HGF: variants seen among roughly 807,000 people sequenced by gnomAD.
HGF encodes the protein fibroblast-derived tumor cytotoxic factor.
Under a neutral mutation model 111.6 loss-of-function variants are expected in HGF, and 39 were observed. That is an observed-to-expected ratio of 0.35 (90% CI 0.27 to 0.46). The LOEUF (loss-of-function observed/expected upper bound fraction) is 0.46. Among genes scored for constraint, HGF ranks in the 20% least tolerant of loss-of-function variants. The pLI, the probability that HGF is intolerant of heterozygous loss-of-function variation, is 1.00. For synonymous variants in HGF, 285 were observed against 294.8 expected, an observed-to-expected ratio of 0.97 and a Z score of 0.34; for missense variants, 735 against 910.5, an observed-to-expected ratio of 0.81 and a Z score of 2.48.
At chr7:81,755,115 A>G (rs1308890027) in intron 4 of HGF, 1 of 152,042 alleles carries the variant, frequency 6.6e-6, no homozygotes, top group Non-Finnish European at 1.5e-5. Flanking sequence ...TCATTAATGA[A>G]TGCTGGGTGG....
chr7:81,707,182 C>A (rs757451617), intron 14 of HGF, 108 bp downstream of exon 14: 28 of 704,604 alleles, frequency 4.0e-5, no homozygotes, highest in Non-Finnish European at 6.4e-5. Context: ...TTGTTCACCC[C>A]ATTTGTGAAT....
At chr7:81,747,077 G>A (rs995948954) in intron 5 of HGF, among the ~76,000 whole-genome samples, 3 of 152,268 alleles carry the variant, frequency 2.0e-5, no homozygotes, top group East Asian at 1.9e-4. Flanking sequence ...GGTGGCTCAC[G>A]CCTGTAATCC....
chr7:81,768,448 C>T (rs1202129843), intron 1 of HGF, among the ~76,000 whole-genome samples: 1 of 152,104 alleles, frequency 6.6e-6, no homozygotes, highest in Non-Finnish European at 1.5e-5. Context: ...GACACAATCT[C>T]GGCTCACTGC....
rs576648992 is a variant in HGF at position 81,722,834 on chromosome 7, A to T, written c.1169-1987T>A. Among the ~76,000 whole-genome samples, 89 of 136,402 alleles carry T rather than the reference A, an allele frequency of 6.5e-4. 4 individuals carry two copies. The highest frequency in any genetic ancestry group is 3.0e-3 in the African/African-American group (84 of 28,454). 89.5% of individuals were successfully genotyped at this position (136,402 alleles called of 152,430 possible). A position where few individuals can be genotyped will look rare whatever the true frequency, so the allele number is the denominator to read the frequency against. ...GTCTCAAAAAAAAAAAAAAAAAAGA[A>T]ATTTAAAAAGGTATATATATATATA... On this transcript the variant is annotated intron_variant, in intron 9 of 17. Transcript: ENST00000222390.
chr7:81,715,377 A>G (rs1789683249), intron 11 of HGF, among the ~76,000 whole-genome samples: 5 of 152,062 alleles, frequency 3.3e-5, no homozygotes. Flanking sequence ...TTTGTATGGC[A>G]TTCTCTGAAA....
At chr7:81,755,717 G>A (rs1300146141) in intron 4 of HGF, 3 of 387,888 alleles carry the variant, frequency 7.7e-6, no homozygotes, top group Middle Eastern at 7.1e-4. Context: ...GTAACACCAT[G>A]CAAACTCTCA....
At chr7:81,729,363 A>G (rs1352648656) in intron 8 of HGF, among the ~76,000 whole-genome samples, 2 of 152,198 alleles carry the variant, frequency 1.3e-5, no homozygotes, top group African/African-American at 2.4e-5. Flanking sequence ...CCCAAAGCAT[A>G]GTGAATCTAC....
chr7:81,763,424 T>C (rs1048085549), intron 1 of HGF, among the ~76,000 whole-genome samples: 3 of 152,152 alleles, frequency 2.0e-5, no homozygotes, highest in Non-Finnish European at 2.9e-5. Flanking sequence ...CATAAATGTT[T>C]TCTGTGCTTT....
chr7:81,751,771 G>C, intron 5 of HGF: 2 of 1,098,674 alleles, frequency 1.8e-6, no homozygotes, highest in Non-Finnish European at 2.2e-6. Flanking sequence ...GCTAATGAAA[G>C]GCTAAGCTTC....
chr7:81,709,115 C>T (rs1031765596), intron 13 of HGF, among the ~76,000 whole-genome samples: 1 of 152,068 alleles, frequency 6.6e-6, no homozygotes, highest in African/African-American at 2.4e-5. Flanking sequence ...ATAATAGTAA[C>T]AGACATTCTT....
At chr7:81,731,881 A>T (rs1486662878) in intron 7 of HGF, among the ~76,000 whole-genome samples, 1 of 152,194 alleles carries the variant, frequency 6.6e-6, no homozygotes, top group African/African-American at 2.4e-5. Context: ...GCTCTTGGGC[A>T]GCAAACTTGT....
chr7:81,759,248 C>A (rs529735947), intron 2 of HGF, among the ~76,000 whole-genome samples: 1 of 152,186 alleles, frequency 6.6e-6, no homozygotes, highest in South Asian at 2.1e-4. Context: ...TCTGAGATAT[C>A]AGGAGTAATT....
rs1787574696 is a variant in HGF, at chr7:81,729,756, C to A, written c.889G>T (p.Asp297Tyr). The change falls in exon 8 of 18, where the codon GAT becomes TAT. Residue 297 changes from aspartate (D) to tyrosine (Y), a missense_variant. Physicochemically the swap from Asp to Tyr is radical, Grantham distance 160. This residue lies in a region of HGF where 553 missense variants were observed against 685.6 expected (regional missense o/e 0.81). Transcript: ENST00000222390. ...TCADNTMNDT[D>Y]VPLETTECIQ... ...CATTCAGTTGTTTCCAAAGGAACATCAGTGTCATTCATAGTATTGTCAGCT... is the reference window on the plus strand; with the variant it reads ...CATTCAGTTGTTTCCAAAGGAACATAAGTGTCATTCATAGTATTGTCAGCT... 6.2e-7 allele frequency: 1 copy of A among 1,613,212 alleles called. No individual in the cohort carries two copies. The highest frequency in any genetic ancestry group is 1.3e-5 in the African/African-American group (1 of 74,594).
intron 10 of HGF, among the ~76,000 whole-genome samples, chr7:81,718,080 G>C (rs1789760504): frequency 6.6e-6 from 1 of 151,978 alleles, no homozygotes; most frequent in Non-Finnish European, 1.5e-5. Context: ...TGGCCACTTT[G>C]ACTGATCATA....
intron 5 of HGF, chr7:81,751,231 C>T: frequency 1.0e-6 from 1 of 967,024 alleles, no homozygotes; most frequent in South Asian, 4.8e-5. Flanking sequence ...CCAGTAGTCC[C>T]CCTCCCCAAA....
intron 11 of HGF, among the ~76,000 whole-genome samples, chr7:81,712,940 T>A (rs372461648): frequency 1.6e-4 from 24 of 152,330 alleles, no homozygotes; most frequent in African/African-American, 5.8e-4. Flanking sequence ...CTGTAGCTTA[T>A]CCTAGAGGAG....
intron 8 of HGF, 42 bp from the exon 9 acceptor site, chr7:81,726,059 T>TA (rs771655656): frequency 1.9e-6 from 3 of 1,605,318 alleles, no homozygotes; most frequent in South Asian, 1.1e-5. Context: ...CCGGAGTTCT[T>TA]ACGTTGGTGA....
At chr7:81,725,570 T>C (rs551112021) in intron 9 of HGF, among the ~76,000 whole-genome samples, 1 of 152,208 alleles carries the variant, frequency 6.6e-6, no homozygotes, top group Non-Finnish European at 1.5e-5. Flanking sequence ...CAAACTACTG[T>C]AATATTCCCA....
intron 3 of HGF, 57 bp from the exon 4 acceptor site, chr7:81,757,360 A>C: frequency 1.1e-6 from 1 of 912,610 alleles, no homozygotes; most frequent in Non-Finnish European, 1.8e-6. Context: ...GCAGTATTTA[A>C]GAAAAAAATT....
Sources: gnomAD v4.1 joint callset for allele counts (sites outside exome capture counted in the v4.1 genomes callset) on GRCh38, gnomAD v4.1.1 for gene constraint, gnomAD v4.1.1 regional missense constraint, MANE v1.5 for transcripts, NCBI Gene and HGNC (gene_info 2026-07-23, HGNC 2026-07-21) for gene names.